The following BANK1 variants were observed in gnomAD, a reference collection of about 807,000 sequenced individuals.
BANK1 encodes the protein B-cell scaffold protein with ankyrin repeats.
A neutral mutation model predicts 94.5 loss-of-function variants in BANK1; 95 were observed. The observed-to-expected ratio is 1.00, with a 90% confidence interval of 0.85 to 1.19. The LOEUF is 1.19. Ranked by LOEUF, BANK1 falls within the 50% of genes most tolerant of loss-of-function variation. The pLI is 0.00. For missense variants in BANK1, 987 were observed against 932.2 expected, an observed-to-expected ratio of 1.06 and a Z score of -0.77; for synonymous variants, 334 against 308.4, an observed-to-expected ratio of 1.08 and a Z score of -0.87.
chr4:102,047,848 C>A (rs1193081821), intron 11 of BANK1, among the ~76,000 whole-genome samples: 1 of 151,872 alleles, frequency 6.6e-6, no homozygotes, highest in East Asian at 1.9e-4. Context: ...CTGCTAGTAT[C>A]TGTTAAGCTT....
At chr4:101,835,215 T>G (rs887765394) in intron 2 of BANK1, among the ~76,000 whole-genome samples, 1 of 152,248 alleles carries the variant, frequency 6.6e-6, no homozygotes, top group Non-Finnish European at 1.5e-5. Flanking sequence ...TAAGCTGATC[T>G]GAAATTGTTA....
chr4:101,915,951 G>A (rs545237834), intron 6 of BANK1, among the ~76,000 whole-genome samples: 62 of 152,106 alleles, frequency 4.1e-4, no homozygotes, highest in African/African-American at 1.5e-3. Context: ...GCAATGCTCT[G>A]TTTTTACAGA....
intron 10 of BANK1, among the ~76,000 whole-genome samples, chr4:102,033,680 G>A (rs904162280): frequency 2.0e-5 from 3 of 151,998 alleles, no homozygotes; most frequent in Non-Finnish European, 2.9e-5. Context: ...ATAAGTTGTC[G>A]TTCTAATTCA....
chr4:101,852,151 C>T (rs576757871), intron 2 of BANK1, among the ~76,000 whole-genome samples: 92 of 151,974 alleles, frequency 6.1e-4, no homozygotes, highest in African/African-American at 2.0e-3. Context: ...TATGTAATTG[C>T]ACCATTTATC....
intron 11 of BANK1, among the ~76,000 whole-genome samples, chr4:102,057,227 T>G (rs1728255258): frequency 6.6e-6 from 1 of 151,938 alleles, no homozygotes; most frequent in Admixed American, 6.6e-5. Context: ...TCTCGCTCTC[T>G]CTCTCTCTCT....
At chr4:101,830,570 G>A (rs1393174971) in intron 2 of BANK1, among the ~76,000 whole-genome samples, 1 of 152,124 alleles carries the variant, frequency 6.6e-6, no homozygotes, top group Non-Finnish European at 1.5e-5. Flanking sequence ...CTCTAGTGGT[G>A]TTACCAGTCA....
chr4:101,980,279 T>C (rs1725284690), intron 7 of BANK1, among the ~76,000 whole-genome samples: 1 of 151,880 alleles, frequency 6.6e-6, no homozygotes. Flanking sequence ...ATTTAAATCG[T>C]TTATCCATTT....
At chr4:101,794,844 A>G (rs139190665) in intron 1 of BANK1, among the ~76,000 whole-genome samples, 1 of 150,894 alleles carries the variant, frequency 6.6e-6, no homozygotes, top group South Asian at 2.1e-4. Flanking sequence ...AATGCTTTTG[A>G]TCTTTTACAA....
At chr4:102,073,923 C>T in intron 16 of BANK1, 82 bp from the exon 17 acceptor site, 14 of 484,138 alleles carry the variant, frequency 2.9e-5, no homozygotes, top group Non-Finnish European at 4.7e-5. Context: ...GATTTATGTA[C>T]AGGGGTGATT....
intron 7 of BANK1, among the ~76,000 whole-genome samples, chr4:101,987,123 G>T (rs1269552100): frequency 1.3e-5 from 2 of 151,482 alleles, no homozygotes; most frequent in African/African-American, 2.4e-5. Context: ...ACATGCTGTT[G>T]TCTTTAGGAA....
chr4:101,828,664 A>AT (rs756342185), intron 1 of BANK1, among the ~76,000 whole-genome samples: 1 of 152,040 alleles, frequency 6.6e-6, no homozygotes, highest in Non-Finnish European at 1.5e-5. Context: ...TTGTTATGCA[A>AT]TATTTTATAG....
intron 1 of BANK1, among the ~76,000 whole-genome samples, chr4:101,819,476 A>G (rs973092737): frequency 1.3e-5 from 2 of 152,166 alleles, no homozygotes; most frequent in African/African-American, 2.4e-5. Context: ...GATGATATAG[A>G]ACCTTCATAG....
In BANK1 at chr4:102,025,361, C is replaced by A; in HGVS notation, c.1446C>A (p.Asp482Glu). The change falls in exon 9 of 17, where the codon GAC becomes GAA. Residue 482 changes from aspartate (D) to glutamate (E), a missense_variant. Physicochemically the swap from Asp to Glu is conservative, Grantham distance 45 (BLOSUM62 2). Transcript: ENST00000322953. ...AGGTTGGCAGTGAGAGTTCTGAAGA[C>A]CAGTATGATGACTTGTATGTGTTCA... ...PLEVGSESSE[D>E]QYDDLYVFIP... is the part of the protein sequence containing the mutation. 2 of 1,614,060 alleles carry A rather than the reference C, an allele frequency of 1.2e-6. No individual in the cohort carries two copies. Among genetic ancestry groups the A allele is most frequent in the East Asian group, 4.5e-5 (2 of 44,866 alleles).
At chr4:102,058,251 G>C (rs553392710) in intron 11 of BANK1, among the ~76,000 whole-genome samples, 1 of 152,114 alleles carries the variant, frequency 6.6e-6, no homozygotes, top group African/African-American at 2.4e-5. Context: ...ACTACAATGG[G>C]TTGGTTGATG....
chr4:101,870,464 A>AT, intron 4 of BANK1, 41 bp from the exon 5 acceptor site: 1 of 1,570,438 alleles, frequency 6.4e-7, no homozygotes, highest in South Asian at 1.2e-5. Context: ...ATGAATATGC[A>AT]TTATATACTC....
chr4:101,805,360 C>T (rs927022334), intron 1 of BANK1, among the ~76,000 whole-genome samples: 4 of 151,976 alleles, frequency 2.6e-5, no homozygotes, highest in Non-Finnish European at 5.9e-5. Flanking sequence ...ATTAATATGA[C>T]AGTAGCTTTA....
chr4:101,852,684 G>A (rs576671991), intron 2 of BANK1, among the ~76,000 whole-genome samples: 1 of 151,324 alleles, frequency 6.6e-6, no homozygotes, highest in East Asian at 1.9e-4. Flanking sequence ...AATACTCTTT[G>A]ATAGAATTAT....
chr4:101,971,426 T>C (rs1025234031), intron 7 of BANK1, among the ~76,000 whole-genome samples: 1 of 152,118 alleles, frequency 6.6e-6, no homozygotes, highest in Admixed American at 6.6e-5. Context: ...ACATAGCTAG[T>C]ATTTTCACAT....
At chr4:102,056,289 C>A (rs1728225541) in intron 11 of BANK1, among the ~76,000 whole-genome samples, 1 of 151,884 alleles carries the variant, frequency 6.6e-6, no homozygotes, top group African/African-American at 2.4e-5. Flanking sequence ...CTATGCCAAC[C>A]AAATAAATAA....
Sources: gnomAD v4.1 joint callset for allele counts (sites outside exome capture counted in the v4.1 genomes callset) on GRCh38, gnomAD v4.1.1 for gene constraint, MANE v1.5 for transcripts, NCBI Gene and HGNC (gene_info 2026-07-23, HGNC 2026-07-21) for gene names.